Variants in RALYL observed in about 807,000 individuals in gnomAD.
The protein encoded by RALYL is RALY RNA binding protein like, also known as RNA-binding Raly-like protein.
A neutral mutation model predicts 35.1 loss-of-function variants in RALYL; 29 were observed. That is an observed-to-expected ratio of 0.83 (90% CI 0.61 to 1.13). The LOEUF (loss-of-function observed/expected upper bound fraction) is 1.13. Ranked by LOEUF, RALYL falls within the 50% of genes most tolerant of loss-of-function variation. The pLI is 0.00. For missense variants in RALYL, 359 were observed against 360.4 expected, an observed-to-expected ratio of 1.00 and a Z score of 0.03; for synonymous variants, 120 against 127.6, an observed-to-expected ratio of 0.94 and a Z score of 0.40.
intron 2 of RALYL, among the ~76,000 whole-genome samples, chr8:84,701,617 T>C (rs548947269): frequency 3.0e-4 from 45 of 152,162 alleles, no homozygotes; most frequent in African/African-American, 8.9e-4. Context: ...AGGGTTTCAT[T>C]TGGAGGAAAG....
Position 84,815,464 on chromosome 8 carries a change from G to A in RALYL, c.365+10662G>A, listed in dbSNP as rs10103087. Among the ~76,000 whole-genome samples, 28 of 147,260 alleles carry A rather than the reference G, an allele frequency of 1.9e-4. No homozygotes were observed. In the South Asian group the frequency reaches 5.7e-3, roughly 30 times the overall value. On this transcript the variant is annotated intron_variant, in intron 4 of 8. Coordinates refer to ENST00000521268, the MANE Select transcript of RALYL (RefSeq NM_173848.7). ...TTATTATAAATACATAATACTGAAT[G>A]TTTATATTATTATAAATAAAATATA... is the stretch of plus-strand genomic sequence containing the variant.
At chr8:84,755,611 C>T (rs6988126) in intron 2 of RALYL, among the ~76,000 whole-genome samples, 50,072 of 151,940 alleles carry the variant, frequency 0.33, 9,923 homozygotes, top group African/African-American at 0.56. Context: ...TATTAGTATG[C>T]GTGTGAGTGC....
intron 1 of RALYL, among the ~76,000 whole-genome samples, chr8:84,429,940 T>G (rs1215152336): frequency 3.9e-5 from 6 of 152,002 alleles, no homozygotes; most frequent in Admixed American, 3.9e-4. Flanking sequence ...CTGCCCAGTT[T>G]TTGCATTTTA....
intron 8 of RALYL, among the ~76,000 whole-genome samples, chr8:84,911,670 C>A (rs1847535048): frequency 6.6e-6 from 1 of 152,050 alleles, no homozygotes; most frequent in Non-Finnish European, 1.5e-5. Flanking sequence ...ACAAGACCAC[C>A]CTTCCCACTC....
At chr8:84,275,562 G>C (rs1407032861) in intron 1 of RALYL, among the ~76,000 whole-genome samples, 1 of 151,842 alleles carries the variant, frequency 6.6e-6, no homozygotes, top group Non-Finnish European at 1.5e-5. Context: ...AACATCCACT[G>C]ATCATTTTTC....
chr8:84,836,021 C>G (rs977318686), intron 4 of RALYL, among the ~76,000 whole-genome samples: 1 of 152,066 alleles, frequency 6.6e-6, no homozygotes, highest in African/African-American at 2.4e-5. Flanking sequence ...GCCATGGGGA[C>G]TAATTGAAGG....
At chr8:84,476,659 T>G (rs1263355904) in intron 1 of RALYL, among the ~76,000 whole-genome samples, 3 of 152,208 alleles carry the variant, frequency 2.0e-5, no homozygotes, top group Non-Finnish European at 4.4e-5. Flanking sequence ...GTTGCCAAAT[T>G]TCTCAAATAA....
intron 2 of RALYL, among the ~76,000 whole-genome samples, chr8:84,754,556 C>A: frequency 6.6e-6 from 1 of 152,186 alleles, no homozygotes; most frequent in East Asian, 1.9e-4. Flanking sequence ...GTCTTTCTTT[C>A]ATGTTGAAAT....
chr8:84,195,453 A>G (rs1021641816), intron 1 of RALYL, among the ~76,000 whole-genome samples: 1 of 152,166 alleles, frequency 6.6e-6, no homozygotes, highest in Middle Eastern at 3.2e-3. Context: ...AAATAAAAAC[A>G]TAAGTTTTTA....
intron 2 of RALYL, among the ~76,000 whole-genome samples, chr8:84,623,643 A>G (rs954388328): frequency 6.6e-6 from 1 of 152,148 alleles, no homozygotes; most frequent in Non-Finnish European, 1.5e-5. Context: ...ATGAAAGAAT[A>G]CAAACAGCAA....
intron 1 of RALYL, among the ~76,000 whole-genome samples, chr8:84,488,601 A>G (rs916968451): frequency 6.6e-6 from 1 of 151,960 alleles, no homozygotes; most frequent in Non-Finnish European, 1.5e-5. Flanking sequence ...TCATTTCCAT[A>G]TACAAAGGAA....
intron 1 of RALYL, among the ~76,000 whole-genome samples, chr8:84,511,003 C>T (rs1246718476): frequency 6.6e-6 from 1 of 152,136 alleles, no homozygotes; most frequent in African/African-American, 2.4e-5. Context: ...TCCTGCTGTA[C>T]AATAGATCTC....
intron 4 of RALYL, among the ~76,000 whole-genome samples, chr8:84,823,668 CCTT>C (rs1208998843): frequency 2.6e-5 from 4 of 152,042 alleles, no homozygotes; most frequent in African/African-American, 9.7e-5. Flanking sequence ...TCTCTCTCCT[CCTT>C]GACACCTCTT....
chr8:84,526,748 G>T (rs1219682567), intron 1 of RALYL, among the ~76,000 whole-genome samples: 1 of 152,136 alleles, frequency 6.6e-6, no homozygotes, highest in African/African-American at 2.4e-5. Context: ...CACTGTCTCA[G>T]TTTGCAATAT....
At chr8:84,812,685 G>C (rs1219190563) in intron 4 of RALYL, among the ~76,000 whole-genome samples, 1 of 152,074 alleles carries the variant, frequency 6.6e-6, no homozygotes, top group Non-Finnish European at 1.5e-5. Flanking sequence ...AAGGTTGTCA[G>C]AGAAGTGGGA....
At chr8:84,473,043 CT>C (rs1307047463) in intron 1 of RALYL, among the ~76,000 whole-genome samples, 4 of 152,138 alleles carry the variant, frequency 2.6e-5, no homozygotes, top group Admixed American at 2.6e-4. Flanking sequence ...AAATAAATTC[CT>C]TGTAGTTCTT....
At chr8:84,196,721 C>T (rs750594344) in intron 1 of RALYL, among the ~76,000 whole-genome samples, 1 of 152,056 alleles carries the variant, frequency 6.6e-6, no homozygotes, top group South Asian at 2.1e-4. Context: ...TGTTCCTTAT[C>T]GGAGATTATC....
intron 2 of RALYL, among the ~76,000 whole-genome samples, chr8:84,571,230 T>A (rs1807899240): frequency 6.6e-6 from 1 of 151,868 alleles, no homozygotes; most frequent in African/African-American, 2.4e-5. Context: ...TAGCTATGAA[T>A]CCATCTGGTC....
At chr8:84,703,096 C>G (rs1434940693) in intron 2 of RALYL, among the ~76,000 whole-genome samples, 1 of 152,064 alleles carries the variant, frequency 6.6e-6, no homozygotes, top group Non-Finnish European at 1.5e-5. Flanking sequence ...TCCCCAGGTT[C>G]CACTTTCACC....
Sources: allele counts gnomAD v4.1 joint callset (sites outside exome capture counted in the v4.1 genomes callset), GRCh38; gene constraint gnomAD v4.1.1; transcripts MANE v1.5; gene names NCBI Gene and HGNC (gene_info 2026-07-23, HGNC 2026-07-21).